The following SH2B1 variants were observed in gnomAD, a reference collection of about 807,000 sequenced individuals.
The protein encoded by SH2B1 is SH2B adapter protein 1.
Under a neutral mutation model 62.6 loss-of-function variants are expected in SH2B1, and 15 were observed. That is an observed-to-expected ratio of 0.24 (90% CI 0.16 to 0.37). The LOEUF (loss-of-function observed/expected upper bound fraction) is 0.37. Ranked by LOEUF, SH2B1 falls within the 10% of genes least tolerant of loss-of-function variation. The probability of loss-of-function intolerance (pLI) is 1.00; values close to 1 mark genes in which losing one functional copy is unlikely to be tolerated. For missense variants in SH2B1, 925 were observed against 1,015.6 expected (o/e 0.91, Z 1.21); for synonymous variants, 443 against 438.0 (o/e 1.01, Z -0.14).
In SH2B1 at chr16:28,853,165, AAT is replaced by A. The variant is rs553901188; in HGVS notation, c.-301+6349_-301+6350del. Among the ~76,000 whole-genome samples, 34 of 134,196 alleles carry A rather than the reference AAT, an allele frequency of 2.5e-4. 1 individual carries two copies. Among genetic ancestry groups the A allele is most frequent in the Non-Finnish European group, 3.3e-4 (21 of 64,434 alleles). 88.0% of individuals were successfully genotyped at this position (134,196 alleles called of 152,430 possible). On this transcript the variant is annotated intron_variant, in intron 1 of 10. Transcript: ENST00000322610. The stretch of plus-strand genomic sequence containing the variant: ...ATAAATATATATAAATGTATATATA[AAT>A]ATATATATATTTTTTGGGTACGGAG...
chr16:28,872,239 C>A lies in SH2B1; in HGVS notation c.1563C>A (p.Pro521=), dbSNP rs1192684549. ...GEPEGGEGDQ[P]LSGYPWFHGM... ...CAGAGGGCGGTGAGGGGGACCAGCC[C>A]CTCTCAGGGTATCCTTGGTTCCACG... Residue 521 remains proline (P), a synonymous_variant, in exon 6 of 8, where the codon CCC becomes CCA. Transcript: ENST00000684370. The surrounding 1 kb of genome is among the most constrained non-coding windows in gnomAD (Gnocchi z 5.3). The A allele has an allele frequency of 6.2e-7, 1 of 1,613,964 alleles. No homozygotes were observed. The highest frequency in any genetic ancestry group is 1.7e-5 in the Admixed American group (1 of 60,012).
Position 28,872,757 on chromosome 16 carries a change from A to G in SH2B1, c.1897+52A>G. 1 of 1,606,766 alleles carries G rather than the reference A, an allele frequency of 6.2e-7. No homozygotes were observed. The highest frequency in any genetic ancestry group is 1.1e-5 in the South Asian group (1 of 90,456). ...GAGGTGCCCGTGCACCCAAGAAGTG[A>G]GGTGTGTGTGCCAGAAAGATGGGGC... is the stretch of plus-strand genomic sequence containing the variant. On this transcript the variant is annotated intron_variant, in intron 7 of 7. Transcript: ENST00000684370. This position sits in a 1 kb window ranked among gnomAD's most constrained non-coding sequence, Gnocchi z 5.3.
upstream of SH2B1, among the ~76,000 whole-genome samples, chr16:28,859,379 T>G (rs993315185): frequency 2.0e-4 from 30 of 152,162 alleles, no homozygotes; most frequent in Non-Finnish European, 3.8e-4. Context: ...AAATTCCTTA[T>G]TAAATGACAA....
rs1303235755 is a variant in SH2B1 at position 28,852,520 on chromosome 16, T to TTA, written c.-301+5702_-301+5703dup. Among the ~76,000 whole-genome samples, 79 of 48,040 alleles carry TTA rather than the reference T, an allele frequency of 1.6e-3. 30 individuals are homozygous for TTA. Among genetic ancestry groups the TTA allele is most frequent in the Non-Finnish European group, 2.1e-3 (65 of 31,404 alleles). The allele number at this position is 48,040 out of a possible 152,430, so 31.5% of individuals were successfully genotyped here. A position where few individuals can be genotyped will look rare whatever the true frequency, so the allele number is the denominator to read the frequency against. On this transcript the variant is annotated intron_variant, in intron 1 of 10. Coordinates refer to the SH2B1 transcript ENST00000322610. The stretch of plus-strand genomic sequence containing the variant: ...TATATTTATATATATACACATATAT[T>TTA]TATATATATACACATATATTTATAT...
In SH2B1 at chr16:28,873,244, A is replaced by T; in HGVS notation, c.1898-203A>T. 6.2e-7 allele frequency: 1 copy of T among 1,607,728 alleles called. No individual in the cohort carries two copies. Among genetic ancestry groups the T allele is most frequent in the Non-Finnish European group, 8.5e-7 (1 of 1,178,646 alleles). On this transcript the variant is annotated intron_variant, in intron 7 of 7. Transcript: ENST00000684370. The surrounding 1 kb of genome is among the most constrained non-coding windows in gnomAD (Gnocchi z 4.2). ...CCACCCCGATGCCTCCTGCACCCTCATGCCCTTCGGAGCGAGTGACTGTGT... is the reference window on the plus strand; with the variant it reads ...CCACCCCGATGCCTCCTGCACCCTCTTGCCCTTCGGAGCGAGTGACTGTGT...
In SH2B1 at chr16:28,866,415, C is replaced by T. The variant is rs1567467052; in HGVS notation, c.321C>T (p.Ser107=). ...CGGAGATTTCGCCACATGACCTGTCCCTTGAGAGCTGCAGGGTGGGTGGGC... is the reference window on the plus strand; with the variant it reads ...CGGAGATTTCGCCACATGACCTGTCTCTTGAGAGCTGCAGGGTGGGTGGGC... The part of the protein sequence containing the change: ...PGAEISPHDL[S]LESCRVGGPL... Residue 107 remains serine, a synonymous_variant, in exon 1 of 8, where the codon TCC becomes TCT. Coordinates refer to ENST00000684370, the MANE Select transcript of SH2B1 (RefSeq NM_001387430.1). This position sits in a 1 kb window ranked among gnomAD's most constrained non-coding sequence, Gnocchi z 6.3. 6.2e-7 allele frequency: 1 copy of T among 1,613,938 alleles called. No homozygotes were observed. Among genetic ancestry groups the T allele is most frequent in the Non-Finnish European group, 8.5e-7 (1 of 1,180,018 alleles).
chr16:28,858,019 G>A (rs947977012), intron 1 of SH2B1, among the ~76,000 whole-genome samples: 6 of 151,982 alleles, frequency 3.9e-5, no homozygotes, highest in Non-Finnish European at 5.9e-5. Flanking sequence ...GATTACAGGC[G>A]TGAGCCACCG....
At position 28,865,850 on chromosome 16, in the gene SH2B1, G is replaced by T; in HGVS notation, c.-245G>T. On this transcript the variant is annotated 5_prime_UTR_variant, in exon 1 of 8. Coordinates refer to ENST00000684370, the MANE Select transcript of SH2B1 (RefSeq NM_001387430.1). ...GAGCCAGTTGGCTGGGGCCTGCAGGGTGCCAGGATCTGGGAGAGGGAAGGG... is the reference window on the plus strand; with the variant it reads ...GAGCCAGTTGGCTGGGGCCTGCAGGTTGCCAGGATCTGGGAGAGGGAAGGG... 1 of 1,303,658 alleles carries T rather than the reference G, an allele frequency of 7.7e-7. No individual in the cohort carries two copies. Among genetic ancestry groups the T allele is most frequent in the Non-Finnish European group, 9.7e-7 (1 of 1,028,724 alleles). The allele number at this position is 1,303,658 out of a possible 1,614,324, so 80.8% of individuals were successfully genotyped here.
chr16:28,854,154 A>AT (rs1962270645), intron 1 of SH2B1, among the ~76,000 whole-genome samples: 1 of 151,942 alleles, frequency 6.6e-6, no homozygotes. Context: ...TTAGCAGGGC[A>AT]TGGTGGCAAG....
At chr16:28,855,682 C>T (rs932024839) in intron 1 of SH2B1, among the ~76,000 whole-genome samples, 4 of 150,480 alleles carry the variant, frequency 2.7e-5, no homozygotes, top group African/African-American at 7.3e-5. Flanking sequence ...TTCTGTCGCC[C>T]GGGCTGGAGT....
Position 28,866,127 on chromosome 16 carries a change from C to T in SH2B1, c.33C>T (p.Ala11=), listed in dbSNP as rs1183700700. 6.3e-7 allele frequency: 1 copy of T among 1,581,958 alleles called. No individual in the cohort carries two copies. The highest frequency in any genetic ancestry group is 8.6e-7 in the Non-Finnish European group (1 of 1,166,434). The part of the protein sequence containing the change: MNGAPSPEDG[A]SPSSPPLPPP... The stretch of plus-strand genomic sequence containing the variant: ...GTGCCCCTTCCCCAGAGGACGGGGC[C>T]TCCCCCTCGTCTCCCCCGCTGCCCC... Residue 11 remains alanine (A), a synonymous_variant, in exon 1 of 8, where the codon GCC becomes GCT. Transcript: ENST00000684370. This position sits in a 1 kb window ranked among gnomAD's most constrained non-coding sequence, Gnocchi z 6.3.
chr16:28,855,830 G>C (rs59014646), intron 1 of SH2B1, among the ~76,000 whole-genome samples: 6 of 120,372 alleles, frequency 5.0e-5, no homozygotes, highest in Middle Eastern at 8.6e-3. Context: ...TTTTTTTTTG[G>C]ATTTTTAGTA....
intron 1 of SH2B1, 108 bp from the exon 2 acceptor site, chr16:28,867,223 T>C (rs1962763967): frequency 5.7e-6 from 7 of 1,219,890 alleles, no homozygotes; most frequent in East Asian, 2.3e-5. Context: ...GTGACTGCCT[T>C]TTGTCTAACT....
intron 1 of SH2B1, among the ~76,000 whole-genome samples, chr16:28,849,396 C>G (rs1962050085): frequency 6.6e-6 from 1 of 152,148 alleles, no homozygotes. Flanking sequence ...TGTGCCCAGC[C>G]TAAAAGGGTT....
At chr16:28,863,685 A>G (rs1381684694), upstream of SH2B1, 1 of 1,534,714 alleles carries the variant, frequency 6.5e-7, no homozygotes, top group Non-Finnish European at 8.7e-7. Context: ...TGGAGAAGGC[A>G]CTGAAGCCCT....
intron 1 of SH2B1, among the ~76,000 whole-genome samples, chr16:28,855,547 C>G (rs1476419351): frequency 6.6e-6 from 1 of 151,868 alleles, no homozygotes; most frequent in African/African-American, 2.4e-5. Flanking sequence ...CCTTGATTTT[C>G]TTCATAGCAT....
chr16:28,856,605 A>G (rs1279066068), intron 1 of SH2B1, among the ~76,000 whole-genome samples: 1 of 152,136 alleles, frequency 6.6e-6, no homozygotes, highest in African/African-American at 2.4e-5. Context: ...TGGGCTAGCC[A>G]GGAACTTAGT....
Position 28,864,176 on chromosome 16 carries a change from C to T in SH2B1, c.-1919C>T. 9.3e-7 allele frequency: 1 copy of T among 1,079,618 alleles called. No individual in the cohort carries two copies. Among genetic ancestry groups the T allele is most frequent in the Non-Finnish European group, 1.1e-6 (1 of 887,546 alleles). The allele number at this position is 1,079,618 out of a possible 1,614,324, so 66.9% of individuals were successfully genotyped here. On this transcript the variant is annotated 5_prime_UTR_variant, in exon 1 of 8. Transcript: ENST00000684370. ...GTAGGGTCGGATCGGAGTATATGGA[C>T]CACCGGGCCCGGAGGGTCCGAGCCG...
At chr16:28,860,372 C>G (rs1962416832), upstream of SH2B1, among the ~76,000 whole-genome samples, 1 of 151,984 alleles carries the variant, frequency 6.6e-6, no homozygotes, top group Admixed American at 6.6e-5. Flanking sequence ...CTGCCTCAGC[C>G]TCCCAAGTAG....
Sources: gnomAD v4.1 joint callset for allele counts (sites outside exome capture counted in the v4.1 genomes callset) on GRCh38, gnomAD v4.1.1 for gene constraint, Gnocchi (gnomAD v3.1) non-coding constraint, MANE v1.5 for transcripts, NCBI Gene and HGNC (gene_info 2026-07-23, HGNC 2026-07-21) for gene names.